The following CBFA2T3 variants were observed in gnomAD, a reference collection of about 807,000 sequenced individuals.
The protein encoded by CBFA2T3 is transcriptional corepressor CBFA2T3.
In CBFA2T3, 31 loss-of-function variants were observed where a neutral mutation model predicts 58.6. The observed-to-expected ratio is 0.53, with a 90% CI of 0.40 to 0.71. CBFA2T3 has a LOEUF of 0.71. Ranked by LOEUF, CBFA2T3 falls within the 30% of genes least tolerant of loss-of-function variation. The pLI is 0.00. For missense variants in CBFA2T3, 1,076 were observed against 963.1 expected (o/e 1.12, Z -1.55); for synonymous variants, 531 against 421.9 (o/e 1.26, Z -3.17).
At chr16:88,960,064 C>A (rs1157300196) in intron 1 of CBFA2T3, among the ~76,000 whole-genome samples, 1 of 152,034 alleles carries the variant, frequency 6.6e-6, no homozygotes, top group African/African-American at 2.4e-5. Flanking sequence ...ATAAATAAAT[C>A]ATTAAGGTTC....
At chr16:88,884,466 TCTC>T (rs1330665691) in intron 7 of CBFA2T3, among the ~76,000 whole-genome samples, 11 of 152,146 alleles carry the variant, frequency 7.2e-5, no homozygotes, top group African/African-American at 1.2e-4. Flanking sequence ...CAGGCCTCAG[TCTC>T]CTCATCTGTG....
intron 7 of CBFA2T3, chr16:88,884,740 G>A (rs780956309): frequency 3.5e-5 from 11 of 311,460 alleles, no homozygotes; most frequent in Non-Finnish European, 5.4e-5. Context: ...CTGAGAAGCA[G>A]AGAGCCACGT....
intron 3 of CBFA2T3, among the ~76,000 whole-genome samples, chr16:88,895,614 A>G (rs887672071): frequency 5.9e-5 from 9 of 152,056 alleles, no homozygotes; most frequent in Non-Finnish European, 8.8e-5. Flanking sequence ...TTCTTGGTGG[A>G]GCGGGGGGAA....
intron 1 of CBFA2T3, among the ~76,000 whole-genome samples, chr16:88,925,113 C>G (rs1016644731): frequency 1.3e-5 from 2 of 152,252 alleles, no homozygotes; most frequent in Admixed American, 6.5e-5. Flanking sequence ...ACGGCCTCGT[C>G]CTGGACACCG....
At chr16:88,880,506 G>A (rs981063925) in intron 10 of CBFA2T3, among the ~76,000 whole-genome samples, 1 of 152,236 alleles carries the variant, frequency 6.6e-6, no homozygotes, top group African/African-American at 2.4e-5. Flanking sequence ...GCGGCCACCG[G>A]TCCGTTTCCT....
chr16:88,924,239 C>A (rs777170795), intron 1 of CBFA2T3, among the ~76,000 whole-genome samples: 2 of 152,194 alleles, frequency 1.3e-5, no homozygotes, highest in Non-Finnish European at 2.9e-5. Flanking sequence ...CCTCTCTGGG[C>A]CCCGCCTTCC....
At position 88,896,774 on chromosome 16, in the gene CBFA2T3, C is replaced by A. The variant is rs2911454; in HGVS notation, c.379+1304G>T. Among the ~76,000 whole-genome samples the A allele has an allele frequency of 3.7e-3, 565 of 152,272 alleles. 5 individuals are homozygous for A. The highest frequency in any genetic ancestry group is 0.013 in the African/African-American group (529 of 41,538). ...AGACGCGCCACAGTGCACGCCGGGG[C>A]CCCTGCCCACCGCCCCGGCCAGCCT... On this transcript the variant is annotated intron_variant, in intron 3 of 11. Coordinates refer to ENST00000268679, the MANE Select transcript of CBFA2T3 (RefSeq NM_005187.6).
chr16:88,901,657 C>T lies in CBFA2T3; in HGVS notation c.152-1G>A. 1 of 1,525,512 alleles carries T rather than the reference C, an allele frequency of 6.6e-7. No homozygotes were observed. The highest frequency in any genetic ancestry group is 8.7e-7 in the Non-Finnish European group (1 of 1,149,096). 94.5% of individuals were successfully genotyped at this position (1,525,512 alleles called of 1,614,324 possible). ...GCCTTAGCTTTCCTGTCCACTGGGG[C>T]TGCGACCAACGGAGAAAGAAAGAGT... On this transcript the variant is annotated splice_acceptor_variant, in intron 1 of 11. Transcript: ENST00000268679. LOFTEE classifies it high-confidence loss of function.
In CBFA2T3 at chr16:88,899,050, A is replaced by C. The variant is rs520787; in HGVS notation, c.305-898T>G. On this transcript the variant is annotated intron_variant, in intron 2 of 11. Coordinates refer to ENST00000268679, the MANE Select transcript of CBFA2T3 (RefSeq NM_005187.6). ...AGCTTGGTCTGGGTCCCTGCTCCTT[A>C]TATGCCTTCCCCCTCCCCACCCCCC... 3.9e-3 allele frequency among the ~76,000 whole-genome samples: 569 copies of C among 146,738 alleles called. 5 individuals are homozygous for C. Among genetic ancestry groups the C allele is most frequent in the African/African-American group, 0.013 (532 of 40,444 alleles).
Position 88,894,128 on chromosome 16 carries a change from C to T in CBFA2T3, c.380-1643G>A, listed in dbSNP as rs185040986. The stretch of plus-strand genomic sequence containing the variant: ...CGAGCCCTCCATTTCCCTGCCTCCA[C>T]TCACCCCCCACCACCCTTACACACA... On this transcript the variant is annotated intron_variant, in intron 3 of 11. Transcript: ENST00000268679. Among the ~76,000 whole-genome samples the T allele has an allele frequency of 5.9e-5, 9 of 152,214 alleles. No individual in the cohort carries two copies. The East Asian group carries it at 1.3e-3, about 23-fold the overall frequency.
chr16:88,910,072 C>T (rs1970480089), intron 1 of CBFA2T3, among the ~76,000 whole-genome samples: 1 of 152,200 alleles, frequency 6.6e-6, no homozygotes, highest in Non-Finnish European at 1.5e-5. Flanking sequence ...TCCCCTCTGG[C>T]CTCACCAGCT....
At chr16:88,952,393 C>T (rs1243670479) in intron 1 of CBFA2T3, among the ~76,000 whole-genome samples, 1 of 151,864 alleles carries the variant, frequency 6.6e-6, no homozygotes, top group African/African-American at 2.4e-5. Context: ...AGCTGCCGCC[C>T]TCCAATCCTT....
At chr16:88,925,629 C>T (rs888634639) in intron 1 of CBFA2T3, among the ~76,000 whole-genome samples, 1 of 152,208 alleles carries the variant, frequency 6.6e-6, no homozygotes, top group Non-Finnish European at 1.5e-5. Context: ...ACCTGGATGA[C>T]TCTGAATGCT....
chr16:88,920,693 G>C (rs935913482), intron 1 of CBFA2T3, among the ~76,000 whole-genome samples: 2 of 152,168 alleles, frequency 1.3e-5, no homozygotes, highest in African/African-American at 4.8e-5. Context: ...AAAAGTGCAG[G>C]TGGACAAGGG....
Position 88,877,178 on chromosome 16 carries a change from T to C in CBFA2T3, c.1760A>G (p.Lys587Arg), listed in dbSNP as rs753958242. The C allele has an allele frequency of 4.5e-6, 7 of 1,553,122 alleles. No homozygotes were observed. The highest frequency in any genetic ancestry group is 1.4e-5 in the African/African-American group (1 of 73,140). Residue 587 changes from lysine (K) to arginine (R), a missense_variant, in exon 12 of 12, where the codon AAG becomes AGG. By Grantham distance (26) the Lys-to-Arg change is conservative. Transcript: ENST00000268679. Reference sequence around the variant, plus strand: ...GCTCTGGCCACACACGTGGTGATGCTTCTCCCAGTCCCGATGCTGGCAGAA... The same window carrying C: ...GCTCTGGCCACACACGTGGTGATGCCTCTCCCAGTCCCGATGCTGGCAGAA... ...GSFCQHRDWE[K>R]HHHVCGQSLQ...
At chr16:88,975,178 A>ACCTGCAGC (rs1567643980) in intron 1 of CBFA2T3, among the ~76,000 whole-genome samples, 2,659 of 45,364 alleles carry the variant, frequency 0.059, 96 homozygotes, top group East Asian at 0.16. Context: ...TCTCTGCTCC[A>ACCTGCAGC]CATCTTTAGC....
At chr16:88,894,814 G>C (rs1969822349) in intron 3 of CBFA2T3, among the ~76,000 whole-genome samples, 1 of 152,290 alleles carries the variant, frequency 6.6e-6, no homozygotes, top group African/African-American at 2.4e-5. Context: ...CTGTGGCTGA[G>C]ACCTGGCGGG....
In CBFA2T3 at chr16:88,977,022, T is replaced by C. The variant is rs1488179097; in HGVS notation, c.-215A>G. On this transcript the variant is annotated 5_prime_UTR_variant, in exon 1 of 12. It removes an upstream start codon present in the reference 5' UTR. Transcript: ENST00000268679. ...GAGGGGGTGGGAGCCCTGGGGCTCA[T>C]GTGACGCGGGGCGGGCCTGGGGCTG... 8.1e-6 allele frequency: 4 copies of C among 492,222 alleles called. No individual in the cohort carries two copies. Among genetic ancestry groups the C allele is most frequent in the Non-Finnish European group, 1.1e-5 (3 of 277,134 alleles). 30.5% of individuals were successfully genotyped at this position (492,222 alleles called of 1,614,324 possible).
chr16:88,967,019 T>C (rs975949849), intron 1 of CBFA2T3, among the ~76,000 whole-genome samples: 3 of 152,172 alleles, frequency 2.0e-5, no homozygotes, highest in Non-Finnish European at 4.4e-5. Context: ...GCATCCTTGA[T>C]TGAAGCATTG....
Sources: gnomAD v4.1 joint callset for allele counts (sites outside exome capture counted in the v4.1 genomes callset) on GRCh38, gnomAD v4.1.1 for gene constraint, MANE v1.5 for transcripts, NCBI Gene and HGNC (gene_info 2026-07-23, HGNC 2026-07-21) for gene names.